Variants in ACTN2 observed in about 807,000 individuals in gnomAD.
ACTN2 encodes the protein alpha-actinin-2.
In ACTN2, 39 loss-of-function variants were observed where a neutral mutation model predicts 113.8. That is an observed-to-expected ratio of 0.34 (90% CI 0.27 to 0.45). ACTN2 has a LOEUF of 0.45. Among genes scored for constraint, ACTN2 ranks in the 20% least tolerant of loss-of-function variants. ACTN2 has a pLI of 1.00. For synonymous variants in ACTN2, 429 were observed against 444.1 expected, an observed-to-expected ratio of 0.97 and a Z score of 0.43; for missense variants, 992 against 1,177.9, an observed-to-expected ratio of 0.84 and a Z score of 2.31.
intron 1 of ACTN2, among the ~76,000 whole-genome samples, chr1:236,705,219 T>C (rs1558225586): frequency 6.6e-6 from 1 of 151,534 alleles, no homozygotes; most frequent in Non-Finnish European, 1.5e-5. Flanking sequence ...TATATATATA[T>C]AAAAAATATC....
chr1:236,703,082 A>G (rs562715172), intron 1 of ACTN2, among the ~76,000 whole-genome samples: 1 of 152,272 alleles, frequency 6.6e-6, no homozygotes, highest in South Asian at 2.1e-4. Flanking sequence ...AGAATGAGGA[A>G]AGTACAATAA....
intron 1 of ACTN2, among the ~76,000 whole-genome samples, chr1:236,690,949 T>A (rs1398568505): frequency 6.7e-6 from 1 of 150,304 alleles, no homozygotes; most frequent in Non-Finnish European, 1.5e-5. Context: ...TTTTTTTTTT[T>A]TTTTTTGAGA....
At chr1:236,717,549 T>C (rs1658258391) in intron 1 of ACTN2, among the ~76,000 whole-genome samples, 1 of 152,222 alleles carries the variant, frequency 6.6e-6, no homozygotes, top group Admixed American at 6.5e-5. Flanking sequence ...CTATCTTTTC[T>C]ACAAAGTAAA....
rs1167410566 is a variant in ACTN2, at chr1:236,761,077, C to T, written c.2430C>T (p.Thr810=). The change falls in exon 20 of 21, where the codon ACC becomes ACT. Residue 810 remains threonine, a synonymous_variant. Transcript: ENST00000366578. ...LVDPNGQGTV[T]FQSFIDFMTR... is the part of the protein sequence containing the mutation. Reference sequence around the variant, plus strand: ...ATCCCAACGGGCAAGGCACCGTCACCTTCCAATCCTTCATCGACTTCATGA... The same window carrying T: ...ATCCCAACGGGCAAGGCACCGTCACTTTCCAATCCTTCATCGACTTCATGA... 3 of 1,614,066 alleles carry T rather than the reference C, an allele frequency of 1.9e-6. No individual in the cohort carries two copies. The African/African-American group carries it at 4.0e-5, about 22-fold the overall frequency.
At position 236,758,442 on chromosome 1, in the gene ACTN2, T is replaced by C. The variant is rs375992137; in HGVS notation, c.2301+810T>C. 5.8e-3 allele frequency among the ~76,000 whole-genome samples: 869 copies of C among 149,422 alleles called. 10 individuals carry two copies. Among genetic ancestry groups the C allele is most frequent in the African/African-American group, 0.021 (840 of 39,740 alleles). Reference sequence around the variant, plus strand: ...CTGGGACTATAGGCACCTGCCACCATGCCTGGCTAATTTTTTTTTTTTTTT... The same window carrying C: ...CTGGGACTATAGGCACCTGCCACCACGCCTGGCTAATTTTTTTTTTTTTTT... On this transcript the variant is annotated intron_variant, in intron 18 of 20. Coordinates refer to ENST00000366578, the MANE Select transcript of ACTN2 (RefSeq NM_001103.4).
chr1:236,726,123 C>T (rs534593278), intron 5 of ACTN2, 103 bp downstream of exon 5: 12 of 1,033,416 alleles, frequency 1.2e-5, no homozygotes, highest in Admixed American at 7.0e-5. Context: ...GTCTGAGAAG[C>T]CTTTTATGTA....
Position 236,709,278 on chromosome 1 carries a change from ATG to A in ACTN2, c.127-8578_127-8577del, listed in dbSNP as rs1472968752. Among the ~76,000 whole-genome samples, 720 of 137,612 alleles carry A rather than the reference ATG, an allele frequency of 5.2e-3. 35 individuals carry two copies. The East Asian group carries it at 0.099, about 19-fold the overall frequency. The allele number at this position is 137,612 out of a possible 152,430, so 90.3% of individuals were successfully genotyped here. Reference sequence around the variant, plus strand: ...TATACACACACACACACACATATATATGTATATATATGTATATATGTATATAT... The same window carrying A: ...TATACACACACACACACACATATATATATATATATGTATATATGTATATAT... On this transcript the variant is annotated intron_variant, in intron 1 of 20. Transcript: ENST00000366578.
chr1:236,703,423 G>T (rs552281503), intron 1 of ACTN2, among the ~76,000 whole-genome samples: 9 of 150,292 alleles, frequency 6.0e-5, no homozygotes, highest in African/African-American at 2.2e-4. Flanking sequence ...CGTTCCTTTG[G>T]GCCTACTACC....
chr1:236,721,220 G>A (rs949125341), intron 4 of ACTN2, among the ~76,000 whole-genome samples: 13 of 151,328 alleles, frequency 8.6e-5, no homozygotes, highest in Admixed American at 4.6e-4. Flanking sequence ...TAGAGACGGG[G>A]TTTCACTGTG....
chr1:236,686,839 C>A, intron 1 of ACTN2, 40 bp downstream of exon 1: 1 of 1,385,832 alleles, frequency 7.2e-7, no homozygotes, highest in Non-Finnish European at 9.4e-7. Context: ...GTGGTGGGGC[C>A]GGGTCCCCCG....
chr1:236,715,299 C>A (rs1261587877), intron 1 of ACTN2, among the ~76,000 whole-genome samples: 1 of 87,156 alleles, frequency 1.1e-5, no homozygotes, highest in Admixed American at 1.8e-4. Context: ...TAATCCTATC[C>A]CTCCCCCCTC....
At chr1:236,757,862 A>G (rs2102947490) in intron 18 of ACTN2, among the ~76,000 whole-genome samples, 1 of 152,348 alleles carries the variant, frequency 6.6e-6, no homozygotes. Context: ...ATCACTTAAT[A>G]GAATGCATTT....
intron 1 of ACTN2, among the ~76,000 whole-genome samples, chr1:236,700,440 G>C (rs1225855087): frequency 6.6e-6 from 1 of 152,190 alleles, no homozygotes; most frequent in African/African-American, 2.4e-5. Flanking sequence ...AAGATGGGGA[G>C]GCCTGTATAT....
rs376719841 is a variant in ACTN2, at chr1:236,737,741, T to C, written c.876+527T>C. Among the ~76,000 whole-genome samples the C allele has an allele frequency of 2.0e-5, 3 of 152,134 alleles. No individual in the cohort carries two copies. In the East Asian group the frequency reaches 5.8e-4, roughly 29 times the overall value. On this transcript the variant is annotated intron_variant, in intron 9 of 20. Coordinates refer to ENST00000366578, the MANE Select transcript of ACTN2 (RefSeq NM_001103.4). The stretch of plus-strand genomic sequence containing the variant: ...AAGACAGAGCCCTCCCTGCAGAATA[T>C]TTGAGCATGAGTTTCTGTGGTGCCT...
intron 19 of ACTN2, 47 bp from the exon 20 acceptor site, chr1:236,760,968 G>A: frequency 6.2e-7 from 1 of 1,613,648 alleles, no homozygotes; most frequent in South Asian, 1.1e-5. Context: ...GCTCTGTTGA[G>A]AGTTGTGTAC....
Position 236,709,344 on chromosome 1 carries a change from G to GTATATA in ACTN2, c.127-8505_127-8500dup, listed in dbSNP as rs143270971. ...TATATATACATGTATATATATACGT[G>GTATATA]TATATATATATATACGTGTGTGTGT... is the stretch of plus-strand genomic sequence containing the variant. On this transcript the variant is annotated intron_variant, in intron 1 of 20. Transcript: ENST00000366578. Among the ~76,000 whole-genome samples the GTATATA allele has an allele frequency of 9.4e-3, 1,258 of 133,870 alleles. 32 individuals are homozygous for GTATATA. Among genetic ancestry groups the GTATATA allele is most frequent in the African/African-American group, 0.034 (1,190 of 34,628 alleles). 87.8% of individuals were successfully genotyped at this position (133,870 alleles called of 152,430 possible).
chr1:236,720,423 C>T (rs1209335478), intron 4 of ACTN2, among the ~76,000 whole-genome samples: 3 of 152,116 alleles, frequency 2.0e-5, no homozygotes, highest in East Asian at 1.9e-4. Context: ...GAACAGAAGT[C>T]GCTTTTTAAA....
chr1:236,744,658 G>A lies in ACTN2; in HGVS notation c.1288G>A (p.Glu430Lys), dbSNP rs370865082. ...GCAGATCTTGCTGCAGAAGGATTAC[G>A]AGTCGGCGTCGCTGACAGAGGTGCG... Reference protein sequence around the residue: ...KEQILLQKDYESASLTEVRAL... With the variant: ...KEQILLQKDYKSASLTEVRAL... The change falls in exon 12 of 21, where the codon GAG (glutamate) becomes AAG (lysine). Residue 430 changes from glutamate to lysine, a missense_variant. Coordinates refer to ENST00000366578, the MANE Select transcript of ACTN2 (RefSeq NM_001103.4). 6 of 1,614,204 alleles carry A rather than the reference G, an allele frequency of 3.7e-6. No individual in the cohort carries two copies. Among genetic ancestry groups the A allele is most frequent in the African/African-American group, 1.3e-5 (1 of 75,074 alleles).
At chr1:236,748,199 A>T (rs997737801) in intron 13 of ACTN2, 1 of 253,340 alleles carries the variant, frequency 3.9e-6, no homozygotes, top group Non-Finnish European at 7.7e-6. Context: ...GGCCTTATTT[A>T]AGTGTAAGAC....
Sources: gnomAD v4.1 joint callset for allele counts (sites outside exome capture counted in the v4.1 genomes callset) on GRCh38, gnomAD v4.1.1 for gene constraint, MANE v1.5 for transcripts, NCBI Gene and HGNC (gene_info 2026-07-23, HGNC 2026-07-21) for gene names.